The following DOCK4 variants were observed in gnomAD, a reference collection of about 807,000 sequenced individuals.
DOCK4 encodes dedicator of cytokinesis 4.
In DOCK4, 97 loss-of-function variants were observed where a neutral mutation model predicts 268.1. The observed-to-expected ratio is 0.36, with a 90% CI of 0.31 to 0.43. The LOEUF (loss-of-function observed/expected upper bound fraction) is 0.43, where lower values mean the gene tolerates loss of function less well. DOCK4 is among the 20% of genes least tolerant of loss of function. DOCK4 has a pLI of 1.00. For missense variants in DOCK4, 2,145 were observed against 2,455.7 expected, an observed-to-expected ratio of 0.87 and a Z score of 2.67; for synonymous variants, 954 against 887.2, an observed-to-expected ratio of 1.08 and a Z score of -1.34.
rs528145685 is a variant in DOCK4, at chr7:112,048,916, C to T, written c.38-44785G>A. Among the ~76,000 whole-genome samples the T allele has an allele frequency of 7.9e-5, 12 of 152,172 alleles. No individual in the cohort carries two copies. In the South Asian group the frequency reaches 2.3e-3, roughly 29 times the overall value. ...GCCCCACACGCATTAGCTATTTATC[C>T]TGATGATCTCCCTCCCCCTACCTCC... On this transcript the variant is annotated intron_variant, in intron 1 of 52. Transcript: ENST00000428084.
At chr7:112,203,374 C>A (rs929195036) in intron 1 of DOCK4, among the ~76,000 whole-genome samples, 1 of 152,068 alleles carries the variant, frequency 6.6e-6, no homozygotes, top group Non-Finnish European at 1.5e-5. Context: ...TTAAATGGGA[C>A]GGTGCCTATA....
At chr7:111,920,226 A>G (rs925986040) in intron 12 of DOCK4, among the ~76,000 whole-genome samples, 1 of 152,182 alleles carries the variant, frequency 6.6e-6, no homozygotes, top group Non-Finnish European at 1.5e-5. Flanking sequence ...GCTATTGTAT[A>G]GCATAGTGAG....
rs990866812 is a variant in DOCK4 at position 112,141,990 on chromosome 7, A to T, written c.37+64112T>A. 3.3e-4 allele frequency among the ~76,000 whole-genome samples: 50 copies of T among 152,190 alleles called. 1 individual carries two copies. The highest frequency in any genetic ancestry group is 2.9e-3 in the Admixed American group (45 of 15,272). ...CTCATTGCAATTCTTAACTACTTGC[A>T]ACTAATTCAAATTTAAGGCACCTAG... On this transcript the variant is annotated intron_variant, in intron 1 of 52. Coordinates refer to ENST00000428084, the MANE Select transcript of DOCK4 (RefSeq NM_001363540.2).
rs1052455520 is a variant in DOCK4 at position 112,006,518 on chromosome 7, T to C, written c.38-2387A>G. Among the ~76,000 whole-genome samples the C allele has an allele frequency of 3.3e-5, 5 of 152,204 alleles. No homozygotes were observed. In the East Asian group the frequency reaches 9.6e-4, roughly 29 times the overall value. ...TCATTTCTTATCCAAACGGTCTATG[T>C]GGGTGAATTCTGATTTGACTATTCA... On this transcript the variant is annotated intron_variant, in intron 1 of 52. Transcript: ENST00000428084.
intron 1 of DOCK4, among the ~76,000 whole-genome samples, chr7:112,076,519 T>A (rs999501479): frequency 2.0e-5 from 3 of 152,166 alleles, no homozygotes; most frequent in African/African-American, 4.8e-5. Flanking sequence ...TGATTATTTA[T>A]GGAATTCCAC....
chr7:111,747,578 T>C, intron 42 of DOCK4, 135 bp from the exon 43 acceptor site: 2 of 832,808 alleles, frequency 2.4e-6, no homozygotes, highest in East Asian at 2.7e-5. Context: ...GGCCATTCCG[T>C]AGAATAGACA....
intron 23 of DOCK4, among the ~76,000 whole-genome samples, chr7:111,857,275 G>C (rs1457490395): frequency 6.6e-6 from 1 of 152,104 alleles, no homozygotes; most frequent in Admixed American, 6.6e-5. Context: ...TAGTCTAATA[G>C]TCTACCTTTC....
chr7:111,905,781 T>A (rs1186475568), intron 13 of DOCK4, among the ~76,000 whole-genome samples: 1 of 152,052 alleles, frequency 6.6e-6, no homozygotes, highest in African/African-American at 2.4e-5. Context: ...AAATAAAATT[T>A]CCTGTCCTTT....
chr7:112,206,151 TCCGGGGTCTTCAGG>T lies in DOCK4; in HGVS notation c.-27_-14del, dbSNP rs752567878. 1.9e-6 allele frequency: 3 copies of T among 1,576,216 alleles called. No homozygotes were observed. The highest frequency in any genetic ancestry group is 1.8e-5 in the Admixed American group (1 of 54,384). ...TAGGTATCCACATGGCTAAAGGGGCTCCGGGGTCTTCAGGCTTTGTAATCCCCGCGCCCCTTCTC... is the reference window on the plus strand; with the variant it reads ...TAGGTATCCACATGGCTAAAGGGGCTCTTTGTAATCCCCGCGCCCCTTCTC... On this transcript the variant is annotated 5_prime_UTR_variant, in exon 1 of 53. Transcript: ENST00000428084.
At chr7:111,890,894 C>A (rs776695344) in intron 16 of DOCK4, among the ~76,000 whole-genome samples, 5 of 152,164 alleles carry the variant, frequency 3.3e-5, no homozygotes, top group Non-Finnish European at 7.4e-5. Flanking sequence ...CAAACCAGAG[C>A]TATTCTCTGT....
intron 1 of DOCK4, among the ~76,000 whole-genome samples, chr7:112,142,405 G>A (rs1414707167): frequency 6.6e-6 from 1 of 152,124 alleles, no homozygotes; most frequent in Non-Finnish European, 1.5e-5. Flanking sequence ...CTCAAGACAT[G>A]TTGACTGTCT....
chr7:112,063,252 G>A (rs1254490066), intron 1 of DOCK4, among the ~76,000 whole-genome samples: 3 of 152,194 alleles, frequency 2.0e-5, no homozygotes, highest in Admixed American at 2.0e-4. Flanking sequence ...AAAATGCCAT[G>A]TCGGTACTTG....
intron 1 of DOCK4, among the ~76,000 whole-genome samples, chr7:112,056,047 C>T (rs1563039967): frequency 6.6e-6 from 1 of 152,138 alleles, no homozygotes; most frequent in Non-Finnish European, 1.5e-5. Flanking sequence ...GGAAACTTTT[C>T]CTTCTATCTT....
intron 6 of DOCK4, among the ~76,000 whole-genome samples, chr7:111,987,153 T>C (rs1385994507): frequency 6.6e-6 from 1 of 152,232 alleles, no homozygotes; most frequent in Non-Finnish European, 1.5e-5. Context: ...AAATAAATTA[T>C]ACTGCTCATT....
chr7:112,013,656 C>T (rs1178019319), intron 1 of DOCK4, among the ~76,000 whole-genome samples: 3 of 152,222 alleles, frequency 2.0e-5, no homozygotes, highest in African/African-American at 7.2e-5. Flanking sequence ...AAGCATCCTC[C>T]TCGGTCACAC....
In DOCK4 at chr7:111,844,816, T is replaced by C. The variant is rs1563580635; in HGVS notation, c.2683A>G (p.Ser895Gly). ...GCTGAGCTGGATGGCTGAGGTCGGCTGGTGATCTCCAATATGGTCCTCAGC... is the reference window on the plus strand; with the variant it reads ...GCTGAGCTGGATGGCTGAGGTCGGCCGGTGATCTCCAATATGGTCCTCAGC... Reference protein sequence around the residue: ...ILLRTILEITSRPQPSSSAMR... With the variant: ...ILLRTILEITGRPQPSSSAMR... The change falls in exon 25 of 53, where the codon AGC (serine) becomes GGC (glycine). Residue 895 changes from serine to glycine, a missense_variant. By Grantham distance (56) the Ser-to-Gly change is moderately conservative (BLOSUM62 0). Coordinates refer to ENST00000428084, the MANE Select transcript of DOCK4 (RefSeq NM_001363540.2). The C allele has an allele frequency of 6.2e-7, 1 of 1,613,752 alleles. No individual in the cohort carries two copies. The highest frequency in any genetic ancestry group is 2.2e-5 in the East Asian group (1 of 44,866).
intron 1 of DOCK4, among the ~76,000 whole-genome samples, chr7:112,139,153 G>A (rs544049537): frequency 8.7e-4 from 133 of 152,230 alleles, no homozygotes; most frequent in African/African-American, 2.9e-3. Context: ...TTCAACAGTC[G>A]CTGCAAATCC....
intron 1 of DOCK4, among the ~76,000 whole-genome samples, chr7:112,168,362 A>C (rs1817784506): frequency 6.6e-6 from 1 of 152,222 alleles, no homozygotes; most frequent in South Asian, 2.1e-4. Context: ...TGTAAATTAA[A>C]GTCTCAAAGT....
At chr7:111,799,639 TTAAGC>T (rs1201981021) in intron 30 of DOCK4, among the ~76,000 whole-genome samples, 2 of 152,192 alleles carry the variant, frequency 1.3e-5, no homozygotes, top group Admixed American at 1.3e-4. Context: ...ACAGAAAATC[TTAAGC>T]TAAAACTCAT....
Sources: gnomAD v4.1 joint callset for allele counts (sites outside exome capture counted in the v4.1 genomes callset) on GRCh38, gnomAD v4.1.1 for gene constraint, MANE v1.5 for transcripts, NCBI Gene and HGNC (gene_info 2026-07-23, HGNC 2026-07-21) for gene names.